EIF4E3: variants seen among roughly 807,000 people sequenced by gnomAD.
EIF4E3 encodes eukaryotic translation initiation factor 4E type 3.
EIF4E3 carries 26 observed loss-of-function variants against 31.7 expected under a neutral mutation model. The ratio of observed to expected loss-of-function variants is 0.82; its 90% CI spans 0.60 to 1.14. EIF4E3 has a LOEUF of 1.14. Ranked by LOEUF, EIF4E3 falls within the 50% of genes most tolerant of loss-of-function variation. The pLI is 0.00. For synonymous variants in EIF4E3, 128 were observed against 107.7 expected (o/e 1.19, Z -1.17); for missense variants, 304 against 270.9 (o/e 1.12, Z -0.86).
At chr3:71,704,426 T>A (rs2049261922) in intron 2 of EIF4E3, among the ~76,000 whole-genome samples, 1 of 152,148 alleles carries the variant, frequency 6.6e-6, no homozygotes, top group Non-Finnish European at 1.5e-5. Context: ...CTGAGCAACA[T>A]GGCGGTCAGG....
At position 71,694,917 on chromosome 3, in the gene EIF4E3, GC is replaced by G. The variant is rs1321250563; in HGVS notation, c.406-977del. On this transcript the variant is annotated intron_variant, in intron 4 of 6. Coordinates refer to ENST00000425534, the MANE Select transcript of EIF4E3 (RefSeq NM_001134651.2). Reference sequence around the variant, plus strand: ...ACATTTAAGATCCATGCCATAAACAGCTGTGTGTTTGCTACATTCCAAGTGC... The same window carrying G: ...ACATTTAAGATCCATGCCATAAACAGTGTGTGTTTGCTACATTCCAAGTGC... 1.2e-4 allele frequency among the ~76,000 whole-genome samples: 18 copies of G among 152,282 alleles called. No individual in the cohort carries two copies. The South Asian group carries it at 3.7e-3, about 32-fold the overall frequency.
At chr3:71,699,951 T>A (rs941029025) in intron 2 of EIF4E3, among the ~76,000 whole-genome samples, 4 of 152,156 alleles carry the variant, frequency 2.6e-5, no homozygotes, top group Non-Finnish European at 1.5e-5. Flanking sequence ...GGCAAGCGGA[T>A]CACTTGAGCC....
chr3:71,718,839 T>C (rs770874863), intron 1 of EIF4E3, among the ~76,000 whole-genome samples: 5 of 152,148 alleles, frequency 3.3e-5, no homozygotes, highest in Non-Finnish European at 7.4e-5. Context: ...AGAGGACCTT[T>C]ACCCCTCACA....
At position 71,683,305 on chromosome 3, in the gene EIF4E3, C is replaced by T. The variant is rs968490074; in HGVS notation, c.*1377G>A. The T allele has an allele frequency of 6.6e-6, 1 of 152,196 alleles. No individual in the cohort carries two copies. The highest frequency in any genetic ancestry group is 1.5e-5 in the Non-Finnish European group (1 of 68,034). The allele number at this position is 152,196 out of a possible 1,614,324, so 9.4% of individuals were successfully genotyped here. The stretch of plus-strand genomic sequence containing the variant: ...CAACACTGCAAGAGGAATTAAAAAT[C>T]CCAGGTACAGTGAAGTTCTGAGTGC... On this transcript the variant is annotated 3_prime_UTR_variant, in exon 7 of 7. Transcript: ENST00000425534.
At chr3:71,721,280 G>C (rs2049544316) in intron 1 of EIF4E3, among the ~76,000 whole-genome samples, 1 of 152,210 alleles carries the variant, frequency 6.6e-6, no homozygotes, top group South Asian at 2.1e-4. Flanking sequence ...CTCCAATCCA[G>C]GAGCTAAGGA....
chr3:71,715,397 GT>G (rs2049450072), intron 1 of EIF4E3, among the ~76,000 whole-genome samples: 1 of 152,346 alleles, frequency 6.6e-6, no homozygotes, highest in South Asian at 2.1e-4. Flanking sequence ...TAGAGTTTAT[GT>G]TTTAGAACCA....
intron 1 of EIF4E3, among the ~76,000 whole-genome samples, chr3:71,743,991 C>T (rs2049846605): frequency 6.6e-6 from 1 of 152,010 alleles, no homozygotes; most frequent in South Asian, 2.1e-4. Flanking sequence ...AATCATAAAA[C>T]TTCTAGAAGA....
chr3:71,738,878 T>C (rs893340926), intron 1 of EIF4E3, among the ~76,000 whole-genome samples: 3 of 150,152 alleles, frequency 2.0e-5, no homozygotes, highest in East Asian at 3.9e-4. Context: ...TTCACCAAGA[T>C]AGATTACATT....
intron 6 of EIF4E3, among the ~76,000 whole-genome samples, chr3:71,687,171 T>C (rs1246812836): frequency 6.6e-6 from 1 of 152,138 alleles, no homozygotes; most frequent in Non-Finnish European, 1.5e-5. Flanking sequence ...TGGCTAGCTT[T>C]TTATATTTTT....
At chr3:71,693,662 G>A (rs1468704637) in intron 5 of EIF4E3, among the ~76,000 whole-genome samples, 1 of 152,124 alleles carries the variant, frequency 6.6e-6, no homozygotes. Context: ...ATATAAATAT[G>A]CACATATGTA....
intron 2 of EIF4E3, among the ~76,000 whole-genome samples, chr3:71,702,629 T>C (rs1440754576): frequency 6.6e-6 from 1 of 151,276 alleles, no homozygotes; most frequent in Non-Finnish European, 1.5e-5. Flanking sequence ...AGATCAGTGA[T>C]AGACTTAACA....
chr3:71,699,817 A>T, intron 2 of EIF4E3, 109 bp from the exon 3 acceptor site: 1 of 838,872 alleles, frequency 1.2e-6, no homozygotes, highest in Non-Finnish European at 1.9e-6. Context: ...TCATTGTTTT[A>T]TCCATTCAAA....
the EIF4E3 span, among the ~76,000 whole-genome samples, chr3:71,665,932 T>C: frequency 6.6e-6 from 1 of 152,198 alleles, no homozygotes. Context: ...CCAGAATCTC[T>C]GGGACTCAGC....
chr3:71,697,626 T>C (rs945315142), intron 3 of EIF4E3, among the ~76,000 whole-genome samples: 1 of 152,136 alleles, frequency 6.6e-6, no homozygotes, highest in Non-Finnish European at 1.5e-5. Flanking sequence ...TCAGGGTTTT[T>C]TTTTTTTAAG....
chr3:71,754,521 C>A, upstream of EIF4E3: 1 of 1,317,300 alleles, frequency 7.6e-7, no homozygotes, highest in South Asian at 2.0e-5. This position sits in a 1 kb window ranked among gnomAD's most constrained non-coding sequence, Gnocchi z 5.8. Context: ...GGCCTTCCCG[C>A]CAGTGCTGGA....
At chr3:71,700,753 C>A (rs1393902458) in intron 2 of EIF4E3, among the ~76,000 whole-genome samples, 1 of 152,120 alleles carries the variant, frequency 6.6e-6, no homozygotes, top group Non-Finnish European at 1.5e-5. Flanking sequence ...CCTTATCTCT[C>A]CCCTGCTAAA....
chr3:71,749,558 G>C (rs575405083), intron 1 of EIF4E3, among the ~76,000 whole-genome samples: 110 of 152,254 alleles, frequency 7.2e-4, no homozygotes, highest in Non-Finnish European at 1.4e-3. Context: ...TGGCCAGACT[G>C]GACCTCATGA....
In EIF4E3 at chr3:71,680,230, A is replaced by C. The variant is rs2048907602; in HGVS notation, c.*4452T>G. On this transcript the variant is annotated 3_prime_UTR_variant, in exon 7 of 7. Transcript: ENST00000425534. ...GCTTTCCTCATTTGTCATATGTGGG[A>C]GTTGGATAAAATCAGGGGTTCTCCA... 2 of 152,194 alleles carry C rather than the reference A, an allele frequency of 1.3e-5. No homozygotes were observed. Among genetic ancestry groups the C allele is most frequent in the South Asian group, 4.1e-4 (2 of 4,826 alleles). 9.4% of individuals were successfully genotyped at this position (152,194 alleles called of 1,614,324 possible).
At chr3:71,754,020 G>T (rs2049969377), upstream of EIF4E3, 1 of 1,138,198 alleles carries the variant, frequency 8.8e-7, no homozygotes, top group East Asian at 4.8e-5. The surrounding 1 kb of genome is among the most constrained non-coding windows in gnomAD (Gnocchi z 5.8). Context: ...GACGGCCCCG[G>T]GGCGGAGCGC....
Sources: gnomAD v4.1 joint callset for allele counts (sites outside exome capture counted in the v4.1 genomes callset) on GRCh38, gnomAD v4.1.1 for gene constraint, Gnocchi (gnomAD v3.1) non-coding constraint, MANE v1.5 for transcripts, NCBI Gene and HGNC (gene_info 2026-07-23, HGNC 2026-07-21) for gene names.